Variants in ANKRD30BL observed in about 807,000 individuals in gnomAD.
The protein encoded by ANKRD30BL is putative ankyrin repeat domain-containing protein 30B-like.
ANKRD30BL carries 20 observed loss-of-function variants against 18.4 expected under a neutral mutation model. That is an observed-to-expected ratio of 1.09 (90% CI 0.77 to 1.58). The LOEUF (loss-of-function observed/expected upper bound fraction) is 1.58, where lower values mean the gene tolerates loss of function less well. Among genes scored for constraint, ANKRD30BL ranks in the 40% most tolerant of loss-of-function variants. The probability of loss-of-function intolerance (pLI) is 0.00; values close to 1 mark genes in which losing one functional copy is unlikely to be tolerated. For synonymous variants in ANKRD30BL, 72 were observed against 100.9 expected (o/e 0.71, Z 1.72); for missense variants, 224 against 268.6 (o/e 0.83, Z 1.16).
At chr2:132,233,639 T>A (rs1680079120) in intron 1 of ANKRD30BL, among the ~76,000 whole-genome samples, 2 of 151,232 alleles carry the variant, frequency 1.3e-5, no homozygotes, top group Admixed American at 6.6e-5. Flanking sequence ...GAGCTAACTA[T>A]CCTAAATCTA....
intron 1 of ANKRD30BL, among the ~76,000 whole-genome samples, chr2:132,237,085 T>C (rs1254297678): frequency 6.7e-6 from 1 of 149,942 alleles, no homozygotes; most frequent in Non-Finnish European, 1.5e-5. Context: ...TGAGATCACA[T>C]GGACACAGGA....
chr2:132,154,317 A>G (rs1384703263), intron 4 of ANKRD30BL, among the ~76,000 whole-genome samples: 2 of 152,238 alleles, frequency 1.3e-5, no homozygotes, highest in Non-Finnish European at 2.9e-5. Context: ...AAAATACTAT[A>G]AAGGTGTTAA....
At chr2:132,188,692 A>G (rs145421029) in intron 1 of ANKRD30BL, among the ~76,000 whole-genome samples, 1,925 of 151,894 alleles carry the variant, frequency 0.013, 45 homozygotes, top group African/African-American at 0.044. Context: ...CCTGGGTGAT[A>G]GAGCGAGCCT....
intron 1 of ANKRD30BL, among the ~76,000 whole-genome samples, chr2:132,203,792 A>G (rs993598152): frequency 4.9e-4 from 74 of 152,214 alleles, no homozygotes; most frequent in Non-Finnish European, 9.4e-4. Flanking sequence ...AATAATTAAT[A>G]TGTAATTTAC....
intron 1 of ANKRD30BL, among the ~76,000 whole-genome samples, chr2:132,257,335 A>G (rs1680885601): frequency 6.6e-6 from 1 of 152,180 alleles, no homozygotes; most frequent in Non-Finnish European, 1.5e-5. Flanking sequence ...CTCACAGCGG[A>G]ACGGGTCACA....
rs574757873 is a variant in ANKRD30BL, at chr2:132,237,366, C to A, written n.441+20163G>T. 1.2e-3 allele frequency among the ~76,000 whole-genome samples: 178 copies of A among 152,138 alleles called. 2 individuals are homozygous for A. The highest frequency in any genetic ancestry group is 4.0e-3 in the African/African-American group (167 of 41,528). ...CAGTTAAAACTTTCCTTTGATACAG[C>A]AGTTTTGAAACACTCTTCTTGTTGA... On this transcript the variant is annotated intron_variant and non_coding_transcript_variant, in intron 1 of 4. Transcript: ENST00000470729.
chr2:132,215,693 A>T (rs1679479631), intron 1 of ANKRD30BL, among the ~76,000 whole-genome samples: 1 of 152,054 alleles, frequency 6.6e-6, no homozygotes, highest in South Asian at 2.1e-4. Context: ...AAAAGGAAAT[A>T]TCTTCACATA....
chr2:132,152,652 T>C (rs1238970591), intron 4 of ANKRD30BL: 3 of 152,156 alleles, frequency 2.0e-5, no homozygotes, highest in African/African-American at 7.2e-5. Flanking sequence ...CTACACAGGA[T>C]ATAAAGGGCC....
chr2:132,245,071 A>G (rs112907071), intron 1 of ANKRD30BL, among the ~76,000 whole-genome samples: 2 of 152,222 alleles, frequency 1.3e-5, no homozygotes, highest in African/African-American at 2.4e-5. Context: ...TTAGGGCAGC[A>G]TTGAGGATTT....
chr2:132,236,603 A>G (rs1452527072), intron 1 of ANKRD30BL, among the ~76,000 whole-genome samples: 1 of 152,166 alleles, frequency 6.6e-6, no homozygotes, highest in Non-Finnish European at 1.5e-5. Flanking sequence ...TAGAATGGCA[A>G]TCATTAAAAA....
chr2:132,198,566 G>A (rs1427897804), intron 1 of ANKRD30BL, among the ~76,000 whole-genome samples: 1 of 150,708 alleles, frequency 6.6e-6, no homozygotes, highest in African/African-American at 2.4e-5. Context: ...CTCGTGATCT[G>A]CCCGCCTTGG....
At chr2:132,209,365 G>A (rs893549127) in intron 1 of ANKRD30BL, among the ~76,000 whole-genome samples, 33 of 149,910 alleles carry the variant, frequency 2.2e-4, no homozygotes, top group Admixed American at 1.2e-3. Flanking sequence ...CTAGACAGAA[G>A]CATTCTGAGA....
intron 1 of ANKRD30BL, among the ~76,000 whole-genome samples, chr2:132,239,166 A>T (rs759010838): frequency 6.6e-6 from 1 of 151,616 alleles, no homozygotes; most frequent in Non-Finnish European, 1.5e-5. Context: ...CTCAGAAACT[A>T]CTTTGTGATG....
intron 1 of ANKRD30BL, among the ~76,000 whole-genome samples, chr2:132,214,007 AAG>A (rs1381280191): frequency 6.6e-6 from 1 of 151,986 alleles, no homozygotes; most frequent in African/African-American, 2.4e-5. Flanking sequence ...AACTAGACAG[AAG>A]CATTCTGTGA....
intron 1 of ANKRD30BL, among the ~76,000 whole-genome samples, chr2:132,196,141 CAA>C (rs199876039): frequency 3.4e-5 from 3 of 87,450 alleles, no homozygotes; most frequent in African/African-American, 3.9e-5. Context: ...GAGTCCATCT[CAA>C]AAAAAAAAAA....
At chr2:132,256,543 C>T (rs112455113) in intron 1 of ANKRD30BL, among the ~76,000 whole-genome samples, 1 of 152,232 alleles carries the variant, frequency 6.6e-6, no homozygotes, top group Non-Finnish European at 1.5e-5. Context: ...GGGGTCTCAC[C>T]GCCAGTGGCC....
chr2:132,167,280 ATTTTATTT>A (rs1688204596), intron 1 of ANKRD30BL, among the ~76,000 whole-genome samples: 2 of 9,938 alleles, frequency 2.0e-4, no homozygotes, highest in African/African-American at 7.8e-4. Flanking sequence ...ATTTATTTTT[ATTTTATTT>A]TATTTTATTT....
intron 1 of ANKRD30BL, among the ~76,000 whole-genome samples, chr2:132,253,818 G>A (rs111477441): frequency 0.11 from 16,301 of 151,982 alleles, 1,054 homozygotes; most frequent in Non-Finnish European, 0.15. Context: ...GGGTGGGACC[G>A]GCATCCGGCC....
At chr2:132,230,261 A>G (rs1336102915) in intron 1 of ANKRD30BL, among the ~76,000 whole-genome samples, 1 of 152,074 alleles carries the variant, frequency 6.6e-6, no homozygotes, top group Non-Finnish European at 1.5e-5. Context: ...CTGCAAGTGA[A>G]TTTATGGACC....
Sources: gnomAD v4.1 joint callset for allele counts (sites outside exome capture counted in the v4.1 genomes callset) on GRCh38, gnomAD v4.1.1 for gene constraint, MANE v1.5 for transcripts, NCBI Gene and HGNC (gene_info 2026-07-23, HGNC 2026-07-21) for gene names.